Variants in GSE1 observed in about 807,000 individuals in gnomAD.
The protein encoded by GSE1 is genetic suppressor element 1.
In GSE1, 32 loss-of-function variants were observed where a neutral mutation model predicts 112.6. The observed-to-expected ratio is 0.28, with a 90% confidence interval of 0.21 to 0.38. The LOEUF (loss-of-function observed/expected upper bound fraction) is 0.38. GSE1 is among the 10% of genes least tolerant of loss of function. GSE1 has a pLI of 1.00. For missense variants in GSE1, 2,348 were observed against 1,699.2 expected (o/e 1.38, Z -6.71); for synonymous variants, 1,115 against 735.6 (o/e 1.52, Z -8.35).
At chr16:85,428,403 C>T (rs1164922726) in intron 2 of GSE1, among the ~76,000 whole-genome samples, 1 of 152,258 alleles carries the variant, frequency 6.6e-6, no homozygotes, top group Non-Finnish European at 1.5e-5. Context: ...AGCTCTGCCA[C>T]CTGCTGGCCC....
intron 2 of GSE1, among the ~76,000 whole-genome samples, chr16:85,468,699 T>A (rs1441326474): frequency 6.6e-6 from 1 of 152,050 alleles, no homozygotes; most frequent in Non-Finnish European, 1.5e-5. Context: ...GCCATGTCTC[T>A]CCCCTCCCTG....
chr16:85,379,810 G>T (rs1331685461), intron 2 of GSE1, among the ~76,000 whole-genome samples: 1 of 152,224 alleles, frequency 6.6e-6, no homozygotes, highest in Non-Finnish European at 1.5e-5. Context: ...GAGGGAAGCA[G>T]ATCGCTGTGC....
At position 85,641,117 on chromosome 16, in the gene GSE1, AT is replaced by A. The variant is rs546157175; in HGVS notation, c.226+6992del. The stretch of plus-strand genomic sequence containing the variant: ...CCCTAGCCACGTGGACATAAGGGTG[AT>A]TTTTTTCCGGTTTTCCCTGATGCAC... On this transcript the variant is annotated intron_variant, in intron 2 of 15. Transcript: ENST00000253458. Among the ~76,000 whole-genome samples, 814 of 152,206 alleles carry A rather than the reference AT, an allele frequency of 5.3e-3. 7 individuals are homozygous for A. Among genetic ancestry groups the A allele is most frequent in the African/African-American group, 0.018 (731 of 41,520 alleles).
chr16:85,321,277 T>C (rs756956831), intron 1 of GSE1, among the ~76,000 whole-genome samples: 1 of 152,150 alleles, frequency 6.6e-6, no homozygotes, highest in African/African-American at 2.4e-5. Context: ...CTTGAAGTAA[T>C]GATTTCTTCA....
chr16:85,383,572 T>G (rs1365888255), intron 2 of GSE1, among the ~76,000 whole-genome samples: 1 of 98,640 alleles, frequency 1.0e-5, no homozygotes, highest in Non-Finnish European at 2.1e-5. Context: ...TCTCTCTCTC[T>G]CTGACACTCA....
intron 2 of GSE1, among the ~76,000 whole-genome samples, chr16:85,418,467 C>A (rs182359778): frequency 6.6e-5 from 10 of 152,336 alleles, no homozygotes; most frequent in African/African-American, 1.9e-4. Flanking sequence ...TCCAGATCAG[C>A]CCTTAGCACA....
rs141953509 is a variant in GSE1 at position 85,510,764 on chromosome 16, G to A, written c.2465-123150G>A. On this transcript the variant is annotated intron_variant, in intron 2 of 2. Coordinates refer to the GSE1 transcript ENST00000637419. ...CCCCCGCGACCCCTGCAGGCCTCCTGCTCAACCTGCTCCCTGCACCATGTG... is the reference window on the plus strand; with the variant it reads ...CCCCCGCGACCCCTGCAGGCCTCCTACTCAACCTGCTCCCTGCACCATGTG... Among the ~76,000 whole-genome samples, 566 of 152,160 alleles carry A rather than the reference G, an allele frequency of 3.7e-3. 3 individuals are homozygous for A. The highest frequency in any genetic ancestry group is 0.013 in the African/African-American group (536 of 41,480).
At chr16:85,304,910 A>G (rs1361985341) in intron 1 of GSE1, among the ~76,000 whole-genome samples, 4 of 152,190 alleles carry the variant, frequency 2.6e-5, no homozygotes, top group African/African-American at 9.7e-5. Flanking sequence ...AAAAAAATGA[A>G]GATAGCCCAG....
At chr16:85,517,156 T>C (rs1302850653) in intron 2 of GSE1, among the ~76,000 whole-genome samples, 1 of 152,112 alleles carries the variant, frequency 6.6e-6, no homozygotes, top group African/African-American at 2.4e-5. Context: ...GTGGGCAGGC[T>C]GTGTCCCCCC....
chr16:85,442,584 T>C (rs938242570), intron 2 of GSE1, among the ~76,000 whole-genome samples: 3 of 152,060 alleles, frequency 2.0e-5, no homozygotes, highest in Non-Finnish European at 4.4e-5. Context: ...CAAGTGGTCA[T>C]TGGGAATTTT....
At chr16:85,492,470 C>T (rs531753316) in intron 2 of GSE1, among the ~76,000 whole-genome samples, 3 of 152,260 alleles carry the variant, frequency 2.0e-5, no homozygotes, top group South Asian at 4.1e-4. Flanking sequence ...CTGGTGCTTA[C>T]GAAATACCAG....
intron 1 of GSE1, among the ~76,000 whole-genome samples, chr16:85,324,551 G>A (rs1038101516): frequency 1.3e-5 from 2 of 151,962 alleles, no homozygotes; most frequent in Non-Finnish European, 2.9e-5. Context: ...CGGAACATCG[G>A]TTCCACAAAA....
intron 1 of GSE1, among the ~76,000 whole-genome samples, chr16:85,623,400 C>G (rs915424284): frequency 6.6e-6 from 1 of 152,142 alleles, no homozygotes; most frequent in African/African-American, 2.4e-5. Flanking sequence ...ATCATTTGCA[C>G]CCTCTCTCCA....
At chr16:85,235,559 ATATG>A (rs544361515) in intron 1 of GSE1, among the ~76,000 whole-genome samples, 1 of 69,498 alleles carries the variant, frequency 1.4e-5, no homozygotes, top group South Asian at 7.6e-4. Flanking sequence ...TAAAGGGACT[ATATG>A]TGTGTGTGTG....
At chr16:85,337,933 G>A (rs2046539678) in intron 1 of GSE1, among the ~76,000 whole-genome samples, 1 of 152,270 alleles carries the variant, frequency 6.6e-6, no homozygotes, top group African/African-American at 2.4e-5. Flanking sequence ...GCCTGGAGTT[G>A]GAGACTATGG....
intron 1 of GSE1, among the ~76,000 whole-genome samples, chr16:85,625,413 A>G (rs2049005042): frequency 6.6e-6 from 1 of 152,120 alleles, no homozygotes; most frequent in Non-Finnish European, 1.5e-5. Context: ...ATGCAACCTC[A>G]GCATCCAGCG....
chr16:85,532,978 A>G lies in GSE1; in HGVS notation c.2465-100936A>G, dbSNP rs1006607711. Among the ~76,000 whole-genome samples, 10 of 152,268 alleles carry G rather than the reference A, an allele frequency of 6.6e-5. No homozygotes were observed. The East Asian group carries it at 1.9e-3, about 29-fold the overall frequency. Reference sequence around the variant, plus strand: ...ACGTACTCCAAAACCAGCACAAACCAGCCCGCTCCCTACCTCCTGTTCTGC... The same window carrying G: ...ACGTACTCCAAAACCAGCACAAACCGGCCCGCTCCCTACCTCCTGTTCTGC... On this transcript the variant is annotated intron_variant, in intron 2 of 2. Transcript: ENST00000637419.
At chr16:85,170,443 A>C in exon 1 of GSE1, 3 of 985,588 alleles carry the variant, frequency 3.0e-6, no homozygotes, top group Non-Finnish European at 3.6e-6. Context: ...CCTGGAGAGC[A>C]GGCCGCTGGG....
At chr16:85,332,779 C>G (rs2046403282) in intron 1 of GSE1, among the ~76,000 whole-genome samples, 2 of 152,186 alleles carry the variant, frequency 1.3e-5, no homozygotes, top group Admixed American at 1.3e-4. Context: ...CGCCCTTTCT[C>G]CCCCTCCAGC....
Sources: allele counts gnomAD v4.1 joint callset (sites outside exome capture counted in the v4.1 genomes callset), GRCh38; gene constraint gnomAD v4.1.1; transcripts MANE v1.5; gene names NCBI Gene and HGNC (gene_info 2026-07-23, HGNC 2026-07-21).